The following RFC1 variants were observed in gnomAD, a reference collection of about 807,000 sequenced individuals.
The protein encoded by RFC1 is replication factor C subunit 1, also known as A1 140 kDa subunit.
A neutral mutation model predicts 137.4 loss-of-function variants in RFC1; 37 were observed. The ratio of observed to expected loss-of-function variants is 0.27; its 90% confidence interval spans 0.21 to 0.35. RFC1 has a LOEUF of 0.35. Among genes scored for constraint, RFC1 ranks in the 10% least tolerant of loss-of-function variants. The pLI is 1.00. For synonymous variants in RFC1, 429 were observed against 455.7 expected, an observed-to-expected ratio of 0.94 and a Z score of 0.75; for missense variants, 1,205 against 1,358.5, an observed-to-expected ratio of 0.89 and a Z score of 1.78.
At chr4:39,319,626 C>T (rs1394643153) in intron 9 of RFC1, among the ~76,000 whole-genome samples, 3 of 152,090 alleles carry the variant, frequency 2.0e-5, no homozygotes, top group African/African-American at 7.2e-5. Flanking sequence ...AGAAATAAAA[C>T]TTGAAAACAA....
intron 2 of RFC1, among the ~76,000 whole-genome samples, chr4:39,347,028 A>C (rs1740892972): frequency 6.6e-6 from 1 of 152,238 alleles, no homozygotes; most frequent in Admixed American, 6.5e-5. Context: ...TTGAAGGAAT[A>C]ACAGGATCCA....
intron 14 of RFC1, among the ~76,000 whole-genome samples, chr4:39,305,562 C>T (rs553922221): frequency 1.8e-4 from 27 of 151,828 alleles, no homozygotes; most frequent in Non-Finnish European, 2.2e-4. Context: ...GAACCGAGAC[C>T]GTGCCATTAC....
At chr4:39,345,613 C>T in intron 2 of RFC1, 137 bp from the exon 3 acceptor site, 1 of 597,556 alleles carries the variant, frequency 1.7e-6, no homozygotes, top group South Asian at 2.1e-5. Flanking sequence ...CTCCGCCTCC[C>T]AGGTTCACGC....
At chr4:39,292,984 A>G (rs528641188) in intron 22 of RFC1, among the ~76,000 whole-genome samples, 6 of 152,292 alleles carry the variant, frequency 3.9e-5, no homozygotes, top group Admixed American at 1.3e-4. Flanking sequence ...TATCAGAACC[A>G]GCATCAGAAG....
At chr4:39,351,998 A>C (rs2109759235) in intron 1 of RFC1, among the ~76,000 whole-genome samples, 1 of 151,986 alleles carries the variant, frequency 6.6e-6, no homozygotes, top group South Asian at 2.1e-4. Context: ...TAATTTGTCT[A>C]ATAAAGAGTA....
intron 4 of RFC1, among the ~76,000 whole-genome samples, chr4:39,330,173 C>G (rs1394891298): frequency 1.3e-5 from 2 of 152,102 alleles, no homozygotes; most frequent in African/African-American, 4.8e-5. Flanking sequence ...CTCCCTCATT[C>G]AACTATGAAC....
At chr4:39,333,412 T>C (rs1368124900) in intron 4 of RFC1, among the ~76,000 whole-genome samples, 3 of 152,158 alleles carry the variant, frequency 2.0e-5, no homozygotes, top group African/African-American at 4.8e-5. Flanking sequence ...TGACAAATAT[T>C]TGCATATAAA....
At chr4:39,328,270 A>G (rs920613287) in intron 4 of RFC1, among the ~76,000 whole-genome samples, 4 of 152,224 alleles carry the variant, frequency 2.6e-5, no homozygotes, top group Non-Finnish European at 4.4e-5. Context: ...GAGTACACAA[A>G]TATTTACTGA....
chr4:39,339,947 T>G (rs1740534991), intron 4 of RFC1, among the ~76,000 whole-genome samples: 1 of 152,226 alleles, frequency 6.6e-6, no homozygotes, highest in African/African-American at 2.4e-5. Context: ...AAGGCAGATG[T>G]AGGCTTATAA....
In RFC1 at chr4:39,312,848, T is replaced by G; in HGVS notation, c.1287A>C (p.Leu429=). The change falls in exon 11 of 25, where the codon CTA becomes CTC. Residue 429 remains leucine, a synonymous_variant. Transcript: ENST00000349703. The stretch of plus-strand genomic sequence containing the variant: ...TTACTTTTCCCCCATAACGTTCAAT[T>G]AGAGACTTGGCCTCATCTCGTTCAA... ...ESIERDEAKS[L]IERYGGKVTG... is the part of the protein sequence containing the mutation. 6.2e-7 allele frequency: 1 copy of G among 1,614,092 alleles called. No homozygotes were observed. Among genetic ancestry groups the G allele is most frequent in the African/African-American group, 1.3e-5 (1 of 75,016 alleles).
chr4:39,307,986 A>G (rs1478110121), intron 13 of RFC1, among the ~76,000 whole-genome samples: 2 of 152,222 alleles, frequency 1.3e-5, no homozygotes, highest in African/African-American at 2.4e-5. Flanking sequence ...TACTTTGGAC[A>G]TTAAATACAT....
chr4:39,305,005 G>T, intron 14 of RFC1, 77 bp from the exon 15 acceptor site: 1 of 824,362 alleles, frequency 1.2e-6, no homozygotes, highest in Non-Finnish European at 2.1e-6. Flanking sequence ...GGCCAGTTAA[G>T]AAAGAAAGAA....
chr4:39,361,013 T>A (rs6531713), intron 1 of RFC1, among the ~76,000 whole-genome samples: 148,648 of 152,352 alleles, frequency 0.98, 72,624 homozygotes, highest in Middle Eastern at 1. Context: ...CTGAAAATCA[T>A]TAAAATGCAA....
rs748251247 is a variant in RFC1 at position 39,345,428 on chromosome 4, T to C, written c.181A>G (p.Lys61Glu). ...EDDFKQKQPS[K>E]KKRIIYDSDS... The stretch of plus-strand genomic sequence containing the variant: ...GAATCATAGATGATCCTCTTTTTCT[T>C]GCTTGGTTGCTTTTGTTTGAAGTCA... Residue 61 changes from lysine (K) to glutamate (E), a missense_variant, in exon 3 of 25, where the codon AAG becomes GAG. By Grantham distance (56) the Lys-to-Glu change is moderately conservative. Transcript: ENST00000349703. 1.9e-6 allele frequency: 3 copies of C among 1,613,918 alleles called. No homozygotes were observed. In the African/African-American group the frequency reaches 4.0e-5, roughly 22 times the overall value.
intron 10 of RFC1, among the ~76,000 whole-genome samples, chr4:39,314,750 G>T (rs1739154990): frequency 6.6e-6 from 1 of 152,130 alleles, no homozygotes; most frequent in East Asian, 1.9e-4. Flanking sequence ...CTCTTTATTA[G>T]GGGAGCTATT....
intron 13 of RFC1, among the ~76,000 whole-genome samples, chr4:39,307,201 A>G (rs190224556): frequency 7.2e-5 from 11 of 152,354 alleles, no homozygotes; most frequent in African/African-American, 2.6e-4. Flanking sequence ...GTTAACAAGC[A>G]TAGTAGCTAC....
chr4:39,361,384 T>TTCAA (rs911167647), intron 1 of RFC1, among the ~76,000 whole-genome samples: 7 of 151,924 alleles, frequency 4.6e-5, no homozygotes, highest in Non-Finnish European at 7.4e-5. Flanking sequence ...GCGACTGCGT[T>TTCAA]TCAATCAATC....
At chr4:39,303,330 G>A (rs944122587) in intron 15 of RFC1, 179 bp from the exon 16 acceptor site, 24 of 584,370 alleles carry the variant, frequency 4.1e-5, no homozygotes, top group Non-Finnish European at 6.6e-5. Flanking sequence ...GCAGAGAAGA[G>A]AAACTCTCCC....
At chr4:39,300,558 C>T in intron 19 of RFC1, 144 bp from the exon 20 acceptor site, 1 of 648,336 alleles carries the variant, frequency 1.5e-6, no homozygotes, top group East Asian at 2.7e-5. Context: ...TAGTTTCTTA[C>T]AAAATTAAAC....
Sources: gnomAD v4.1 joint callset for allele counts (sites outside exome capture counted in the v4.1 genomes callset) on GRCh38, gnomAD v4.1.1 for gene constraint, MANE v1.5 for transcripts, NCBI Gene and HGNC (gene_info 2026-07-23, HGNC 2026-07-21) for gene names.